ZBTB20: variants seen among roughly 807,000 people sequenced by gnomAD.
ZBTB20 encodes zinc finger and BTB domain containing 20.
Under a neutral mutation model 56.9 loss-of-function variants are expected in ZBTB20, and 9 were observed. The ratio of observed to expected loss-of-function variants is 0.16; its 90% CI spans 0.10 to 0.28. The LOEUF is 0.28. Among genes scored for constraint, ZBTB20 ranks in the 10% least tolerant of loss-of-function variants. The pLI is 1.00. For synonymous variants in ZBTB20, 417 were observed against 420.7 expected, an observed-to-expected ratio of 0.99 and a Z score of 0.11; for missense variants, 655 against 1,003.0, an observed-to-expected ratio of 0.65 and a Z score of 4.69.
chr3:114,679,770 C>T (rs1400730118), intron 6 of ZBTB20, among the ~76,000 whole-genome samples: 2 of 152,150 alleles, frequency 1.3e-5, no homozygotes, highest in Non-Finnish European at 1.5e-5. Flanking sequence ...TTTGACCCAG[C>T]AATCCCATTA....
intron 11 of ZBTB20, among the ~76,000 whole-genome samples, chr3:114,340,726 C>A (rs1289529911): frequency 1.3e-5 from 2 of 152,128 alleles, no homozygotes; most frequent in Non-Finnish European, 2.9e-5. Context: ...TAGGCCCTCA[C>A]CTCAGAGAAA....
intron 5 of ZBTB20, among the ~76,000 whole-genome samples, chr3:114,721,558 C>A (rs890792355): frequency 2.6e-5 from 4 of 152,144 alleles, no homozygotes; most frequent in Admixed American, 2.0e-4. Context: ...TCCATGCTAA[C>A]CCTAAGAGGT....
intron 6 of ZBTB20, among the ~76,000 whole-genome samples, chr3:114,581,293 T>C (rs753258596): frequency 2.0e-5 from 3 of 151,888 alleles, no homozygotes; most frequent in Non-Finnish European, 4.4e-5. Flanking sequence ...GAGATCTAAA[T>C]GTAAATGGGA....
intron 6 of ZBTB20, among the ~76,000 whole-genome samples, chr3:114,636,245 G>C (rs1225515015): frequency 6.6e-6 from 1 of 152,122 alleles, no homozygotes; most frequent in Admixed American, 6.6e-5. Context: ...AACATGCAGA[G>C]GGGTGTTCAC....
At chr3:114,571,487 C>CT (rs1357853140) in intron 6 of ZBTB20, among the ~76,000 whole-genome samples, 8 of 152,138 alleles carry the variant, frequency 5.3e-5, no homozygotes, top group Non-Finnish European at 8.8e-5. Context: ...CTTCCCTATT[C>CT]TTTTTTTCTG....
At chr3:114,772,183 T>C (rs1288601935) in intron 5 of ZBTB20, among the ~76,000 whole-genome samples, 3 of 151,938 alleles carry the variant, frequency 2.0e-5, no homozygotes, top group Middle Eastern at 3.4e-3. Context: ...CTACTAAAAA[T>C]ACAAAAAAGT....
At chr3:114,601,522 T>C (rs928235538) in intron 6 of ZBTB20, among the ~76,000 whole-genome samples, 16 of 152,072 alleles carry the variant, frequency 1.1e-4, no homozygotes, top group African/African-American at 1.2e-4. Context: ...AATTTATTCA[T>C]GTATTCATTA....
At chr3:115,058,654 A>G (rs1321716976) in intron 2 of ZBTB20, among the ~76,000 whole-genome samples, 1 of 152,080 alleles carries the variant, frequency 6.6e-6, no homozygotes, top group Admixed American at 6.6e-5. Flanking sequence ...ACTTGAACCC[A>G]GGAGGCAGAG....
At chr3:114,687,363 A>G (rs909914607) in intron 6 of ZBTB20, 2 of 152,070 alleles carry the variant, frequency 1.3e-5, no homozygotes, top group Non-Finnish European at 2.9e-5. Context: ...ATGTACCGGC[A>G]CTAAAAAAAA....
At position 114,335,010 on chromosome 3, in the gene ZBTB20, T is replaced by C. The variant is rs1459161129; in HGVS notation, c.*3995A>G. 3.9e-5 allele frequency: 6 copies of C among 152,174 alleles called. No homozygotes were observed. Among genetic ancestry groups the C allele is most frequent in the Non-Finnish European group, 2.9e-5 (2 of 68,026 alleles). The allele number at this position is 152,174 out of a possible 1,614,324, so 9.4% of individuals were successfully genotyped here. The stretch of plus-strand genomic sequence containing the variant: ...TTGGGGGCCTTTTTTGTACAAATAT[T>C]GGCATGTAATAAGGAAAAATTGCCC... On this transcript the variant is annotated 3_prime_UTR_variant, in exon 12 of 12. Transcript: ENST00000675478.
At position 114,350,829 on chromosome 3, in the gene ZBTB20, C is replaced by A. The variant is rs773407264; in HGVS notation, c.1249G>T (p.Ala417Ser). The change falls in exon 11 of 12, where the codon GCT becomes TCT. Residue 417 changes from alanine to serine, a missense_variant. Ala to Ser is a moderately conservative substitution (Grantham distance 99). Around this residue, in one of 10 missense-constraint regions of ZBTB20, gnomAD observed 156 missense variants for 181.0 expected, o/e 0.86. Coordinates refer to ENST00000675478, the MANE Select transcript of ZBTB20 (RefSeq NM_001348800.3). ...TGGTTTGTCTGCGGACCACCCTCAG[C>A]GGGGGCTTCTGCAGCCTGCTCGGGT... The part of the protein sequence containing the change: ...TQPEQAAEAP[A>S]EGGPQTNQLE... 10 of 1,612,910 alleles carry A rather than the reference C, an allele frequency of 6.2e-6. No individual in the cohort carries two copies. In the South Asian group the frequency reaches 1.1e-4, roughly 18 times the overall value.
intron 7 of ZBTB20, among the ~76,000 whole-genome samples, chr3:114,484,666 T>G (rs2041911464): frequency 6.6e-6 from 1 of 152,194 alleles, no homozygotes; most frequent in African/African-American, 2.4e-5. Context: ...TAAAACATAT[T>G]AAATGTGCAC....
intron 5 of ZBTB20, among the ~76,000 whole-genome samples, chr3:114,736,653 T>A (rs924670763): frequency 9.2e-5 from 14 of 152,146 alleles, no homozygotes; most frequent in African/African-American, 3.4e-4. Context: ...TTATCAAAAT[T>A]GGGCATAAAG....
In ZBTB20 at chr3:114,839,606, C is replaced by T. The variant is rs527383706; in HGVS notation, c.-416-38432G>A. ...AATGGTGACCTTCCAAAAGAAACGCCCACATTCTAACCCCTGAAACCTGAG... is the reference window on the plus strand; with the variant it reads ...AATGGTGACCTTCCAAAAGAAACGCTCACATTCTAACCCCTGAAACCTGAG... On this transcript the variant is annotated intron_variant, in intron 4 of 11. Coordinates refer to ENST00000675478, the MANE Select transcript of ZBTB20 (RefSeq NM_001348800.3). Among the ~76,000 whole-genome samples the T allele has an allele frequency of 7.3e-4, 111 of 152,182 alleles. 4 individuals are homozygous for T. In the South Asian group the frequency reaches 0.022, roughly 31 times the overall value.
chr3:114,360,911 G>C lies in ZBTB20; in HGVS notation c.200-9033C>G, dbSNP rs182742417. Among the ~76,000 whole-genome samples the C allele has an allele frequency of 3.6e-4, 54 of 152,086 alleles. No individual in the cohort carries two copies. The South Asian group carries it at 5.6e-3, about 16-fold the overall frequency. On this transcript the variant is annotated intron_variant, in intron 10 of 11. Transcript: ENST00000675478. The stretch of plus-strand genomic sequence containing the variant: ...CCTAAGTTCCTTTTTGGCTCATACT[G>C]AGATGAAGAATAAGTGCTGTCAGAT...
intron 1 of ZBTB20, among the ~76,000 whole-genome samples, chr3:115,135,750 C>A (rs1300258392): frequency 1.3e-5 from 2 of 152,038 alleles, no homozygotes; most frequent in Admixed American, 6.6e-5. Flanking sequence ...ACCCAACTAC[C>A]TTTTTTGCTT....
At position 114,328,326 on chromosome 3, in the gene ZBTB20, T is replaced by C. The variant is rs1302264645; in HGVS notation, c.*10679A>G. ...CTTTTCTTGTTTGAGAAGAGCTCAC[T>C]AAGGCTTGAACAGTTATCAAAATTA... On this transcript the variant is annotated 3_prime_UTR_variant, in exon 12 of 12. Transcript: ENST00000675478. 6.6e-6 allele frequency: 1 copy of C among 152,172 alleles called. No homozygotes were observed. Among genetic ancestry groups the C allele is most frequent in the Admixed American group, 6.5e-5 (1 of 15,280 alleles). 9.4% of individuals were successfully genotyped at this position (152,172 alleles called of 1,614,324 possible).
chr3:114,433,980 C>G (rs78227581), intron 7 of ZBTB20, among the ~76,000 whole-genome samples: 10,099 of 152,214 alleles, frequency 0.066, 429 homozygotes, highest in East Asian at 0.18. Context: ...TCCTCTCACA[C>G]TGGGTCACCC....
At chr3:114,940,268 C>T (rs1331377787) in intron 3 of ZBTB20, among the ~76,000 whole-genome samples, 1 of 146,332 alleles carries the variant, frequency 6.8e-6, no homozygotes, top group African/African-American at 2.8e-5. Flanking sequence ...GATACCTGTC[C>T]ATTAAATACA....
Sources: gnomAD v4.1 joint callset for allele counts (sites outside exome capture counted in the v4.1 genomes callset) on GRCh38, gnomAD v4.1.1 for gene constraint, gnomAD v4.1.1 regional missense constraint, MANE v1.5 for transcripts, NCBI Gene and HGNC (gene_info 2026-07-23, HGNC 2026-07-21) for gene names.